RAB3C: variants seen among roughly 807,000 people sequenced by gnomAD.
RAB3C encodes RAB3C, member RAS oncogene family.
RAB3C carries 17 observed loss-of-function variants against 26.4 expected under a neutral mutation model. That is an observed-to-expected ratio of 0.64 (90% CI 0.44 to 0.97). The LOEUF is 0.97. RAB3C is among the 50% of genes least tolerant of loss of function. The probability of loss-of-function intolerance (pLI) is 0.00; values close to 1 mark genes in which losing one functional copy is unlikely to be tolerated. For missense variants in RAB3C, 242 were observed against 281.9 expected (o/e 0.86, Z 1.01); for synonymous variants, 91 against 95.9 (o/e 0.95, Z 0.30).
intron 2 of RAB3C, among the ~76,000 whole-genome samples, chr5:58,676,873 A>G (rs1330350938): frequency 6.6e-6 from 1 of 152,154 alleles, no homozygotes; most frequent in East Asian, 1.9e-4. Flanking sequence ...TCTGGCTTCT[A>G]GATTTTATGT....
intron 3 of RAB3C, among the ~76,000 whole-genome samples, chr5:58,788,641 T>A (rs1157578263): frequency 6.6e-6 from 1 of 152,228 alleles, no homozygotes; most frequent in East Asian, 1.9e-4. Flanking sequence ...TCAAATGCAC[T>A]AATAAAGTGT....
At chr5:58,606,470 G>A (rs570851420) in intron 1 of RAB3C, among the ~76,000 whole-genome samples, 1 of 152,334 alleles carries the variant, frequency 6.6e-6, no homozygotes, top group South Asian at 2.1e-4. Context: ...GCAGGGCATA[G>A]CTGAACAAAA....
At chr5:58,687,880 T>C (rs1748478554) in intron 2 of RAB3C, among the ~76,000 whole-genome samples, 1 of 152,138 alleles carries the variant, frequency 6.6e-6, no homozygotes, top group Admixed American at 6.5e-5. Flanking sequence ...ACTTAGACCA[T>C]CAAAAATTTG....
chr5:58,627,502 A>C (rs1329498285), intron 2 of RAB3C, among the ~76,000 whole-genome samples: 1 of 145,910 alleles, frequency 6.9e-6, no homozygotes, highest in Admixed American at 6.8e-5. Context: ...AAAAAAAAAA[A>C]AAAAAAAAAA....
rs1744332591 is a variant in RAB3C, at chr5:58,859,334, C to A, written c.*7983C>A. ...TTCTATAAAGAAAGTGGTTTTTGTT[C>A]TTTGAGTTTGTTTTATTTCTTGAAG... On this transcript the variant is annotated 3_prime_UTR_variant, in exon 5 of 5. Transcript: ENST00000282878. The A allele has an allele frequency of 6.6e-6, 1 of 152,084 alleles. No homozygotes were observed. The highest frequency in any genetic ancestry group is 2.1e-4 in the South Asian group (1 of 4,834). The allele number at this position is 152,084 out of a possible 1,614,324, so 9.4% of individuals were successfully genotyped here.
chr5:58,768,668 G>A (rs1741960052), intron 3 of RAB3C, among the ~76,000 whole-genome samples: 1 of 151,950 alleles, frequency 6.6e-6, no homozygotes, highest in African/African-American at 2.4e-5. Context: ...GGAGATGGGA[G>A]GAGCATCTCA....
chr5:58,583,285 C>T (rs553816306), intron 1 of RAB3C, 53 bp downstream of exon 1: 2 of 1,611,544 alleles, frequency 1.2e-6, no homozygotes, highest in Non-Finnish European at 1.7e-6. Context: ...AGATGCTTTT[C>T]CCCTTGCTCC....
Position 58,789,575 on chromosome 5 carries a change from A to G in RAB3C, c.372-35463A>G, listed in dbSNP as rs373852250. The stretch of plus-strand genomic sequence containing the variant: ...ACAAATAAGAAAAATGTTAGGGCTC[A>G]AGGAAGTTAAGTATCTCAGCCAGGG... On this transcript the variant is annotated intron_variant, in intron 3 of 4. Coordinates refer to ENST00000282878, the MANE Select transcript of RAB3C (RefSeq NM_138453.4). 4.6e-5 allele frequency among the ~76,000 whole-genome samples: 7 copies of G among 152,168 alleles called. No individual in the cohort carries two copies. The East Asian group carries it at 5.8e-4, about 13-fold the overall frequency.
At chr5:58,584,846 T>TA (rs1199764043) in intron 1 of RAB3C, among the ~76,000 whole-genome samples, 7 of 216 alleles carry the variant, frequency 0.032, no homozygotes, top group Non-Finnish European at 0.026. Context: ...TTTGCTTTCT[T>TA]ACAGAGTTGC....
chr5:58,617,670 G>T lies in RAB3C; in HGVS notation c.52G>T (p.Gly18Cys). Reference protein sequence around the residue: ...QMASAQDARYGQKDSSDQNFD... With the variant: ...QMASAQDARYCQKDSSDQNFD... ...GGCCTCTGCCCAAGATGCCAGGTAC[G>T]GCCAGAAAGACTCCTCTGATCAGAA... Residue 18 changes from glycine (G) to cysteine (C), a missense_variant, in exon 2 of 5, where the codon GGC (glycine) becomes TGC (cysteine). By Grantham distance (159) the Gly-to-Cys change is radical. Transcript: ENST00000282878. 1 of 1,613,482 alleles carries T rather than the reference G, an allele frequency of 6.2e-7. No individual in the cohort carries two copies.
At chr5:58,761,936 A>C (rs1741804670) in intron 3 of RAB3C, among the ~76,000 whole-genome samples, 2 of 152,074 alleles carry the variant, frequency 1.3e-5, no homozygotes, top group African/African-American at 4.8e-5. Context: ...TATGTCAATA[A>C]TGTTTAGTAA....
chr5:58,657,818 C>T (rs158953), intron 2 of RAB3C, among the ~76,000 whole-genome samples: 108,354 of 152,108 alleles, frequency 0.71, 38,944 homozygotes, highest in Middle Eastern at 0.79. Context: ...CCCCCTAAAA[C>T]TGCTGTTGTT....
At position 58,596,572 on chromosome 5, in the gene RAB3C, T is replaced by A. The variant is rs527791550; in HGVS notation, c.24+13340T>A. On this transcript the variant is annotated intron_variant, in intron 1 of 4. Coordinates refer to ENST00000282878, the MANE Select transcript of RAB3C (RefSeq NM_138453.4). ...ATATAATACATATATTATATATAAA[T>A]ATATAATACTATATAATACATAATA... is the stretch of plus-strand genomic sequence containing the variant. Among the ~76,000 whole-genome samples the A allele has an allele frequency of 3.0e-3, 378 of 124,852 alleles. 3 individuals are homozygous for A. Among genetic ancestry groups the A allele is most frequent in the African/African-American group, 0.011 (359 of 32,526 alleles). 81.9% of individuals were successfully genotyped at this position (124,852 alleles called of 152,430 possible).
chr5:58,584,784 AT>A (rs1388240046), intron 1 of RAB3C, among the ~76,000 whole-genome samples: 1 of 152,036 alleles, frequency 6.6e-6, no homozygotes, highest in Non-Finnish European at 1.5e-5. Context: ...ATGCACTGAT[AT>A]TTTTTCAATC....
chr5:58,727,513 T>G (rs1263219051), intron 3 of RAB3C, among the ~76,000 whole-genome samples: 1 of 151,946 alleles, frequency 6.6e-6, no homozygotes, highest in African/African-American at 2.4e-5. Flanking sequence ...CAATCTTAAT[T>G]AAATACAGCA....
chr5:58,791,006 G>T (rs556244998), intron 3 of RAB3C, among the ~76,000 whole-genome samples: 1 of 150,876 alleles, frequency 6.6e-6, no homozygotes, highest in South Asian at 2.1e-4. Flanking sequence ...GCTTTATTTT[G>T]ATTTCAGAGC....
rs571113553 is a variant in RAB3C at position 58,687,560 on chromosome 5, A to T, written c.253-38442A>T. On this transcript the variant is annotated intron_variant, in intron 2 of 4. Transcript: ENST00000282878. ...AGTGGACATTTTTTTGCTTGTGCTT[A>T]GGAACTATTAATTATATGAATGTTA... Among the ~76,000 whole-genome samples, 17 of 152,292 alleles carry T rather than the reference A, an allele frequency of 1.1e-4. No homozygotes were observed. In the South Asian group the frequency reaches 3.3e-3, roughly 30 times the overall value.
At chr5:58,801,139 T>A (rs1742798953) in intron 3 of RAB3C, among the ~76,000 whole-genome samples, 1 of 89,544 alleles carries the variant, frequency 1.1e-5, no homozygotes, top group Non-Finnish European at 2.7e-5. Flanking sequence ...TCTTACCAGC[T>A]GGGTTGCTTT....
At chr5:58,834,373 A>AGG (rs1743687918) in intron 4 of RAB3C, among the ~76,000 whole-genome samples, 1 of 152,154 alleles carries the variant, frequency 6.6e-6, no homozygotes, top group Non-Finnish European at 1.5e-5. Context: ...TTTTTCCTTC[A>AGG]GTTTTAATCC....
Sources: gnomAD v4.1 joint callset for allele counts (sites outside exome capture counted in the v4.1 genomes callset) on GRCh38, gnomAD v4.1.1 for gene constraint, MANE v1.5 for transcripts, NCBI Gene and HGNC (gene_info 2026-07-23, HGNC 2026-07-21) for gene names.